The following CBL variants were observed in gnomAD, a reference collection of about 807,000 sequenced individuals.
The protein encoded by CBL is Cbl proto-oncogene.
CBL carries 45 observed loss-of-function variants against 96.9 expected under a neutral mutation model. The ratio of observed to expected loss-of-function variants is 0.46; its 90% CI spans 0.37 to 0.60. The LOEUF (loss-of-function observed/expected upper bound fraction) is 0.60, where lower values mean the gene tolerates loss of function less well. Ranked by LOEUF, CBL falls within the 20% of genes least tolerant of loss-of-function variation. The pLI is 0.00. For synonymous variants in CBL, 420 were observed against 426.8 expected (o/e 0.98, Z 0.20); for missense variants, 1,024 against 1,143.5 (o/e 0.90, Z 1.51).
At chr11:119,265,231 C>T (rs1386101227) in intron 2 of CBL, among the ~76,000 whole-genome samples, 2 of 152,110 alleles carry the variant, frequency 1.3e-5, no homozygotes, top group Admixed American at 1.3e-4. Context: ...TTTTTAAATA[C>T]CATATAAACT....
chr11:119,296,849 A>AT, intron 12 of CBL, 69 bp from the exon 13 acceptor site: 2 of 802,856 alleles, frequency 2.5e-6, no homozygotes, highest in Non-Finnish European at 4.4e-6. Context: ...TTTTTAAGCC[A>AT]TTTATTTTAT....
chr11:119,294,124 G>T (rs761366850), intron 12 of CBL, among the ~76,000 whole-genome samples: 4 of 152,128 alleles, frequency 2.6e-5, no homozygotes, highest in East Asian at 1.9e-4. Context: ...TATTAACAGA[G>T]AATTATAATT....
At chr11:119,271,646 G>T in intron 2 of CBL, 89 bp from the exon 3 acceptor site, 1 of 1,061,748 alleles carries the variant, frequency 9.4e-7, no homozygotes, top group Admixed American at 1.8e-5. Flanking sequence ...TAATATTCAT[G>T]TTAATTATAC....
At chr11:119,273,322 CT>C (rs1949862592) in intron 3 of CBL, among the ~76,000 whole-genome samples, 1 of 152,168 alleles carries the variant, frequency 6.6e-6, no homozygotes, top group South Asian at 2.1e-4. Flanking sequence ...AGTCCCAGCA[CT>C]TTAGGTGGCC....
At chr11:119,294,576 T>C (rs1210650927) in intron 12 of CBL, among the ~76,000 whole-genome samples, 1 of 151,598 alleles carries the variant, frequency 6.6e-6, no homozygotes, top group Non-Finnish European at 1.5e-5. Context: ...TGGCAGATCA[T>C]GAGGTCAAGA....
At chr11:119,234,159 G>A (rs113879129) in intron 2 of CBL, among the ~76,000 whole-genome samples, 3 of 151,960 alleles carry the variant, frequency 2.0e-5, no homozygotes, top group Admixed American at 2.0e-4. Flanking sequence ...AGCATGCACC[G>A]CTGTGCCCGG....
intron 2 of CBL, among the ~76,000 whole-genome samples, chr11:119,250,384 G>A (rs1335856998): frequency 6.6e-6 from 1 of 152,116 alleles, no homozygotes; most frequent in Non-Finnish European, 1.5e-5. Flanking sequence ...TGAAGACTTA[G>A]AAGGTCCCCT....
chr11:119,240,927 G>A (rs1949582195), intron 2 of CBL, among the ~76,000 whole-genome samples: 2 of 152,022 alleles, frequency 1.3e-5, no homozygotes, highest in African/African-American at 4.8e-5. Context: ...ACAAAAATTA[G>A]CCAGGTGTGG....
chr11:119,212,896 A>G (rs1169996999), intron 1 of CBL, among the ~76,000 whole-genome samples: 41 of 151,658 alleles, frequency 2.7e-4, no homozygotes, highest in Non-Finnish European at 1.5e-5. Flanking sequence ...TGTCCTGGCT[A>G]CAGGAGGCAG....
intron 12 of CBL, among the ~76,000 whole-genome samples, chr11:119,292,259 T>G (rs1405508979): frequency 6.6e-6 from 1 of 152,222 alleles, no homozygotes; most frequent in Non-Finnish European, 1.5e-5. Flanking sequence ...GTCAGCCACT[T>G]TTCCTGAAAA....
At chr11:119,247,862 A>G (rs1949644284) in intron 2 of CBL, among the ~76,000 whole-genome samples, 1 of 152,170 alleles carries the variant, frequency 6.6e-6, no homozygotes, top group Non-Finnish European at 1.5e-5. Flanking sequence ...CAAAAATAAA[A>G]TTAAGAAAAT....
intron 2 of CBL, among the ~76,000 whole-genome samples, chr11:119,243,345 T>G (rs1282518271): frequency 1.3e-5 from 2 of 152,134 alleles, no homozygotes; most frequent in South Asian, 4.1e-4. Flanking sequence ...TATTTATTTA[T>G]TTTTAAAGAG....
At chr11:119,265,684 CGA>C (rs1471930796) in intron 2 of CBL, among the ~76,000 whole-genome samples, 2 of 151,932 alleles carry the variant, frequency 1.3e-5, no homozygotes, top group East Asian at 3.9e-4. Context: ...ATCAGGAGTT[CGA>C]GACCAGCCTG....
chr11:119,275,857 A>T, intron 5 of CBL, 140 bp from the exon 6 acceptor site: 1 of 874,110 alleles, frequency 1.1e-6, no homozygotes, highest in South Asian at 1.4e-5. Flanking sequence ...GCCAGACTCC[A>T]TCTTAAAAAA....
intron 9 of CBL, among the ~76,000 whole-genome samples, chr11:119,282,886 C>T (rs1205323031): frequency 6.6e-6 from 1 of 152,036 alleles, no homozygotes; most frequent in Non-Finnish European, 1.5e-5. Flanking sequence ...AGGTTTGAGT[C>T]CACCCTGGGC....
chr11:119,283,738 T>C (rs915116698), intron 9 of CBL, among the ~76,000 whole-genome samples: 39 of 143,608 alleles, frequency 2.7e-4, no homozygotes, highest in Non-Finnish European at 1.8e-4. Context: ...CCCGGGTTCA[T>C]GCCATTCTCC....
chr11:119,277,241 G>GACACACACACACACACA (rs1555229982), intron 6 of CBL, among the ~76,000 whole-genome samples: 1 of 146,386 alleles, frequency 6.8e-6, no homozygotes, highest in African/African-American at 2.5e-5. Flanking sequence ...AATCTGTCGC[G>GACACACACACACACACA]CACACACACA....
intron 1 of CBL, among the ~76,000 whole-genome samples, chr11:119,209,878 A>G (rs1213201096): frequency 6.6e-6 from 1 of 152,138 alleles, no homozygotes; most frequent in African/African-American, 2.4e-5. Context: ...TATGGAACTT[A>G]AACTTAACTG....
chr11:119,212,695 A>G (rs1291256095), intron 1 of CBL, among the ~76,000 whole-genome samples: 1 of 151,828 alleles, frequency 6.6e-6, no homozygotes, highest in African/African-American at 2.4e-5. Context: ...ATTATTATTA[A>G]CTAGTAGTAT....
Sources: gnomAD v4.1 joint callset for allele counts (sites outside exome capture counted in the v4.1 genomes callset) on GRCh38, gnomAD v4.1.1 for gene constraint, MANE v1.5 for transcripts, NCBI Gene and HGNC (gene_info 2026-07-23, HGNC 2026-07-21) for gene names.